EPHA6: variants seen among roughly 807,000 people sequenced by gnomAD.
EPHA6 encodes EPH receptor A6, also known as ephrin type-A receptor 6.
In EPHA6, 50 loss-of-function variants were observed where a neutral mutation model predicts 112.0. The observed-to-expected ratio is 0.45, with a 90% CI of 0.36 to 0.56. The LOEUF (loss-of-function observed/expected upper bound fraction) is 0.56. Among genes scored for constraint, EPHA6 ranks in the 20% least tolerant of loss-of-function variants. The pLI, the probability that EPHA6 is intolerant of heterozygous loss-of-function variation, is 0.00. For missense variants in EPHA6, 1,280 were observed against 1,417.4 expected (o/e 0.90, Z 1.56); for synonymous variants, 529 against 490.7 (o/e 1.08, Z -1.03).
intron 2 of EPHA6, among the ~76,000 whole-genome samples, chr3:96,973,466 T>C (rs2042393269): frequency 6.6e-6 from 1 of 152,164 alleles, no homozygotes; most frequent in Admixed American, 6.5e-5. Context: ...TAATTCAATC[T>C]GTAATTATTA....
intron 3 of EPHA6, among the ~76,000 whole-genome samples, chr3:97,090,937 AAG>A (rs1174811811): frequency 6.6e-6 from 1 of 152,074 alleles, no homozygotes; most frequent in Non-Finnish European, 1.5e-5. Flanking sequence ...CAGTGAATAA[AAG>A]AGTTAGATGT....
intron 6 of EPHA6, among the ~76,000 whole-genome samples, chr3:97,405,639 T>C (rs1457398047): frequency 3.3e-5 from 5 of 152,120 alleles, no homozygotes; most frequent in Non-Finnish European, 5.9e-5. Flanking sequence ...TGAATTACTA[T>C]AACCTGAAGT....
chr3:97,362,299 G>C (rs2084414251), intron 5 of EPHA6, among the ~76,000 whole-genome samples: 1 of 151,994 alleles, frequency 6.6e-6, no homozygotes, highest in African/African-American at 2.4e-5. Flanking sequence ...GCTTATTTAT[G>C]AGCATGCGCA....
chr3:97,487,870 G>A (rs772406800), intron 10 of EPHA6, among the ~76,000 whole-genome samples: 5 of 152,152 alleles, frequency 3.3e-5, no homozygotes, highest in African/African-American at 1.2e-4. Flanking sequence ...GTGGACAGAG[G>A]ACTGTAAAAC....
chr3:97,375,213 C>T (rs749590805), intron 5 of EPHA6, among the ~76,000 whole-genome samples: 1 of 152,098 alleles, frequency 6.6e-6, no homozygotes, highest in Non-Finnish European at 1.5e-5. Flanking sequence ...TTCTTTCTCT[C>T]CTTGCAAAAT....
chr3:97,447,402 T>A (rs1480305574), intron 6 of EPHA6, among the ~76,000 whole-genome samples: 1 of 152,164 alleles, frequency 6.6e-6, no homozygotes, highest in African/African-American at 2.4e-5. Flanking sequence ...ATGATTCAAC[T>A]AGTGACCTTG....
intron 2 of EPHA6, among the ~76,000 whole-genome samples, chr3:96,958,459 C>A (rs2041843472): frequency 1.3e-5 from 2 of 152,098 alleles, no homozygotes; most frequent in Admixed American, 1.3e-4. Flanking sequence ...GGTTATATTG[C>A]ATGTAAATCT....
intron 9 of EPHA6, among the ~76,000 whole-genome samples, chr3:97,479,884 A>G (rs978470063): frequency 1.4e-4 from 22 of 152,164 alleles, no homozygotes; most frequent in African/African-American, 5.1e-4. Flanking sequence ...CAAGCAACCT[A>G]TAATTACCAC....
At position 97,472,328 on chromosome 3, in the gene EPHA6, G is replaced by A. The variant is rs574475739; in HGVS notation, c.1895-3024G>A. ...AAGGGTCTTGGGGAACATCTGTCTG[G>A]GGACCTACCCAAATCTAAACAACCA... is the stretch of plus-strand genomic sequence containing the variant. On this transcript the variant is annotated intron_variant, in intron 7 of 17. Coordinates refer to ENST00000389672, the MANE Select transcript of EPHA6 (RefSeq NM_001080448.3). Among the ~76,000 whole-genome samples the A allele has an allele frequency of 2.6e-5, 4 of 151,632 alleles. No homozygotes were observed. In the South Asian group the frequency reaches 6.2e-4, roughly 24 times the overall value.
intron 14 of EPHA6, among the ~76,000 whole-genome samples, chr3:97,679,522 G>A (rs1320770741): frequency 6.6e-6 from 1 of 152,072 alleles, no homozygotes; most frequent in Non-Finnish European, 1.5e-5. Context: ...CCTGATTAAT[G>A]TACTATAATA....
rs2093963695 is a variant in EPHA6, at chr3:97,637,969, C to T, written c.2671C>T (p.Arg891Ter). The T allele has an allele frequency of 3.7e-6, 6 of 1,613,842 alleles. No individual in the cohort carries two copies. Among genetic ancestry groups the T allele is most frequent in the Non-Finnish European group, 5.1e-6 (6 of 1,179,788 alleles). ...KYLSDMGYVH[R>*]DLAARNILVN... ...TCTTTCTGATATGGGTTATGTTCAT[C>T]GAGACCTAGCGGCTCGGAATATACT... is the stretch of plus-strand genomic sequence containing the variant. The change falls in exon 14 of 18, where the codon CGA (arginine) becomes TGA (stop). Residue 891 changes from arginine to a stop codon, truncating the protein, a stop_gained. Coordinates refer to ENST00000389672, the MANE Select transcript of EPHA6 (RefSeq NM_001080448.3). LOFTEE classifies it high-confidence loss of function.
chr3:96,935,823 A>G (rs2040552619), intron 2 of EPHA6, among the ~76,000 whole-genome samples: 1 of 151,114 alleles, frequency 6.6e-6, no homozygotes, highest in Non-Finnish European at 1.5e-5. Context: ...CTATTTTCAA[A>G]TATGTCCTAA....
At chr3:97,096,763 T>C (rs1412387447) in intron 3 of EPHA6, among the ~76,000 whole-genome samples, 1 of 151,940 alleles carries the variant, frequency 6.6e-6, no homozygotes, top group African/African-American at 2.4e-5. Context: ...GTCACTTTTA[T>C]TTAAAGTTAA....
At chr3:97,098,978 A>G (rs188404833) in intron 3 of EPHA6, among the ~76,000 whole-genome samples, 5 of 152,048 alleles carry the variant, frequency 3.3e-5, no homozygotes, top group Admixed American at 3.3e-4. Context: ...ATTCTATGCA[A>G]TTAAGCATGT....
rs78091152 is a variant in EPHA6 at position 97,265,881 on chromosome 3, C to G, written c.1606+21594C>G. Among the ~76,000 whole-genome samples the G allele has an allele frequency of 6.3e-4, 96 of 152,332 alleles. 3 individuals carry two copies. The highest frequency in any genetic ancestry group is 2.2e-3 in the African/African-American group (90 of 41,580). On this transcript the variant is annotated intron_variant, in intron 5 of 17. Coordinates refer to ENST00000389672, the MANE Select transcript of EPHA6 (RefSeq NM_001080448.3). ...CCTAGACAATACGTAAATGAGTAAG[C>G]ATGCCTGTGTTCCAATAAAACTTTA...
chr3:96,982,343 G>C (rs557226131), intron 2 of EPHA6, among the ~76,000 whole-genome samples: 16 of 152,322 alleles, frequency 1.1e-4, no homozygotes, highest in African/African-American at 3.8e-4. Flanking sequence ...AGGTTGTTGA[G>C]TTTCCATGTA....
intron 7 of EPHA6, chr3:97,466,403 T>C (rs1254142749): frequency 3.7e-6 from 6 of 1,608,226 alleles, no homozygotes; most frequent in Non-Finnish European, 5.1e-6. Flanking sequence ...TTCTCTTGGT[T>C]CATTATATTC....
chr3:97,283,273 C>A (rs2080350297), intron 5 of EPHA6, among the ~76,000 whole-genome samples: 1 of 151,798 alleles, frequency 6.6e-6, no homozygotes, highest in Non-Finnish European at 1.5e-5. Flanking sequence ...TTGTTTAGTT[C>A]CATTTTATAG....
In EPHA6 at chr3:97,355,872, A is replaced by G. The variant is rs1301941904; in HGVS notation, c.1607-49278A>G. ...GCAAATGGAAACACAAAAAAAGGGC[A>G]GGAGTAGCTATACGTATATCAGACA... On this transcript the variant is annotated intron_variant, in intron 5 of 17. Coordinates refer to ENST00000389672, the MANE Select transcript of EPHA6 (RefSeq NM_001080448.3). 2.0e-5 allele frequency among the ~76,000 whole-genome samples: 3 copies of G among 152,232 alleles called. No individual in the cohort carries two copies. The East Asian group carries it at 5.8e-4, about 29-fold the overall frequency.
Sources: gnomAD v4.1 joint callset for allele counts (sites outside exome capture counted in the v4.1 genomes callset) on GRCh38, gnomAD v4.1.1 for gene constraint, MANE v1.5 for transcripts, NCBI Gene and HGNC (gene_info 2026-07-23, HGNC 2026-07-21) for gene names.